BORCS5: variants seen among roughly 807,000 people sequenced by gnomAD.
The protein encoded by BORCS5 is BLOC-1-related complex subunit 5.
A neutral mutation model predicts 22.1 loss-of-function variants in BORCS5; 17 were observed. The observed-to-expected ratio is 0.77, with a 90% CI of 0.53 to 1.15. BORCS5 has a LOEUF of 1.15. BORCS5 is among the 50% of genes most tolerant of loss of function. BORCS5 has a pLI of 0.00. For synonymous variants in BORCS5, 117 were observed against 99.8 expected, an observed-to-expected ratio of 1.17 and a Z score of -1.03; for missense variants, 247 against 253.2, an observed-to-expected ratio of 0.98 and a Z score of 0.17.
chr12:12,423,027 A>C (rs1226660459), intron 2 of BORCS5, among the ~76,000 whole-genome samples: 1 of 150,164 alleles, frequency 6.7e-6, no homozygotes, highest in Non-Finnish European at 1.5e-5. Flanking sequence ...TTTGAGATGG[A>C]GTCTCACTCT....
intron 2 of BORCS5, 87 bp downstream of exon 2, chr12:12,361,436 GCT>G (rs760546323): frequency 1.2e-4 from 175 of 1,445,310 alleles, no homozygotes; most frequent in Non-Finnish European, 1.6e-4. Context: ...CATGTATCTT[GCT>G]CTCTCATCTC....
At chr12:12,429,167 G>A (rs1942360578) in intron 2 of BORCS5, among the ~76,000 whole-genome samples, 1 of 152,172 alleles carries the variant, frequency 6.6e-6, no homozygotes. Context: ...AAACACTTCA[G>A]AGGACTGGAA....
At chr12:12,386,270 G>T (rs1393590328) in intron 2 of BORCS5, among the ~76,000 whole-genome samples, 1 of 150,832 alleles carries the variant, frequency 6.6e-6, no homozygotes. Flanking sequence ...CAAAGTGCTG[G>T]GATTACAGGT....
Position 12,451,621 on chromosome 12 carries a change from C to T in BORCS5, c.361-13925C>T, listed in dbSNP as rs191079902. On this transcript the variant is annotated intron_variant, in intron 3 of 3. Coordinates refer to ENST00000314565, the MANE Select transcript of BORCS5 (RefSeq NM_058169.6). ...TGAACTGGCTGGGCGCAGTGGCTCA[C>T]GCCTCTAATCCCAGCACTTTGGGAG... 3.9e-5 allele frequency among the ~76,000 whole-genome samples: 6 copies of T among 152,310 alleles called. 1 individual carries two copies. The highest frequency in any genetic ancestry group is 8.8e-5 in the Non-Finnish European group (6 of 68,032).
chr12:12,368,271 A>G (rs1592056360), intron 2 of BORCS5, among the ~76,000 whole-genome samples: 3 of 146,694 alleles, frequency 2.0e-5, no homozygotes, highest in East Asian at 4.0e-4. Context: ...ACCCAGTGGT[A>G]TTCTGTTTTG....
intron 2 of BORCS5, among the ~76,000 whole-genome samples, chr12:12,390,987 G>A (rs2136057855): frequency 6.6e-6 from 1 of 152,108 alleles, no homozygotes; most frequent in Middle Eastern, 3.4e-3. Flanking sequence ...ACGTTAAAAG[G>A]GGAGGCGGGT....
At chr12:12,384,868 C>T (rs1863848400) in intron 2 of BORCS5, among the ~76,000 whole-genome samples, 1 of 151,102 alleles carries the variant, frequency 6.6e-6, no homozygotes, top group Admixed American at 6.6e-5. Flanking sequence ...GTCTGGGCAG[C>T]TCTCTTTATT....
chr12:12,463,705 G>A (rs531195215), intron 3 of BORCS5, among the ~76,000 whole-genome samples: 1 of 152,332 alleles, frequency 6.6e-6, no homozygotes, highest in East Asian at 1.9e-4. Context: ...AAGCTTTGGA[G>A]ACATTAAACA....
intron 2 of BORCS5, among the ~76,000 whole-genome samples, chr12:12,375,252 A>G (rs1298041550): frequency 6.6e-6 from 1 of 152,136 alleles, no homozygotes; most frequent in Non-Finnish European, 1.5e-5. Context: ...ACCTCAGGTG[A>G]TCCATCCGCC....
rs1943208784 is a variant in BORCS5, at chr12:12,466,651, A to T, written c.*875A>T. On this transcript the variant is annotated 3_prime_UTR_variant, in exon 4 of 4. Coordinates refer to ENST00000314565, the MANE Select transcript of BORCS5 (RefSeq NM_058169.6). Reference sequence around the variant, plus strand: ...TATTTGAGTAACAACAAAAGTGCTTAGTGTCGTACTTTACACATCATAGGT... The same window carrying T: ...TATTTGAGTAACAACAAAAGTGCTTTGTGTCGTACTTTACACATCATAGGT... 6.6e-6 allele frequency: 1 copy of T among 152,220 alleles called. No homozygotes were observed. Among genetic ancestry groups the T allele is most frequent in the Admixed American group, 6.5e-5 (1 of 15,274 alleles). The allele number at this position is 152,220 out of a possible 1,614,324, so 9.4% of individuals were successfully genotyped here.
chr12:12,414,329 G>C (rs1354185398), intron 2 of BORCS5, among the ~76,000 whole-genome samples: 2 of 87,224 alleles, frequency 2.3e-5, no homozygotes, highest in African/African-American at 1.1e-4. Context: ...CTGGCCAGGC[G>C]GGGGGCTGGC....
chr12:12,456,058 C>T (rs1239264324), intron 3 of BORCS5, among the ~76,000 whole-genome samples: 1 of 152,168 alleles, frequency 6.6e-6, no homozygotes, highest in Admixed American at 6.5e-5. Context: ...TGTTATGTTG[C>T]ACATCTTTTC....
chr12:12,363,736 CA>C (rs901258107), intron 2 of BORCS5, among the ~76,000 whole-genome samples: 48 of 140,188 alleles, frequency 3.4e-4, no homozygotes, highest in Middle Eastern at 3.6e-3. Context: ...GACTCCATCT[CA>C]AAAAAAAAAA....
At chr12:12,379,637 G>T (rs565938482) in intron 2 of BORCS5, among the ~76,000 whole-genome samples, 2 of 151,490 alleles carry the variant, frequency 1.3e-5, no homozygotes, top group East Asian at 3.9e-4. Context: ...ATAGCTTAAG[G>T]CAAGAGTGGG....
At position 12,379,881 on chromosome 12, in the gene BORCS5, C is replaced by T. The variant is rs145506426; in HGVS notation, c.202+18532C>T. ...ACTGGTGCAAGAGGCCTGACTTCTA[C>T]CCTGTCTTAGCTTTGAACATACCTT... is the stretch of plus-strand genomic sequence containing the variant. On this transcript the variant is annotated intron_variant, in intron 2 of 3. Transcript: ENST00000314565. 2.4e-4 allele frequency among the ~76,000 whole-genome samples: 37 copies of T among 151,524 alleles called. 1 individual carries two copies. The highest frequency in any genetic ancestry group is 8.5e-4 in the African/African-American group (35 of 41,292).
intron 2 of BORCS5, among the ~76,000 whole-genome samples, chr12:12,379,461 C>A (rs552644186): frequency 6.6e-6 from 1 of 151,490 alleles, no homozygotes; most frequent in South Asian, 2.1e-4. Flanking sequence ...ACTTCTTATT[C>A]AAAAATAGTA....
At chr12:12,459,727 A>AG (rs1943068879) in intron 3 of BORCS5, among the ~76,000 whole-genome samples, 1 of 152,190 alleles carries the variant, frequency 6.6e-6, no homozygotes, top group African/African-American at 2.4e-5. Flanking sequence ...GTGAGATGTA[A>AG]GGCTCCAGGT....
At chr12:12,426,648 C>G (rs1209031165) in intron 2 of BORCS5, among the ~76,000 whole-genome samples, 1 of 152,132 alleles carries the variant, frequency 6.6e-6, no homozygotes, top group African/African-American at 2.4e-5. Flanking sequence ...TTAAGAAATG[C>G]AAGAATAAAG....
chr12:12,443,122 T>C (rs571396239), intron 3 of BORCS5, among the ~76,000 whole-genome samples: 3 of 152,362 alleles, frequency 2.0e-5, no homozygotes, highest in African/African-American at 7.2e-5. Context: ...GCTATCGCCC[T>C]GACACTGTGA....
Sources: allele counts gnomAD v4.1 joint callset (sites outside exome capture counted in the v4.1 genomes callset), GRCh38; gene constraint gnomAD v4.1.1; transcripts MANE v1.5; gene names NCBI Gene and HGNC (gene_info 2026-07-23, HGNC 2026-07-21).